The following CLASRP variants were observed in gnomAD, a reference collection of about 807,000 sequenced individuals.
CLASRP encodes CLK4-associating serine/arginine rich protein.
Under a neutral mutation model 99.9 loss-of-function variants are expected in CLASRP, and 52 were observed. The ratio of observed to expected loss-of-function variants is 0.52; its 90% confidence interval spans 0.42 to 0.66. CLASRP has a LOEUF of 0.66. Ranked by LOEUF, CLASRP falls within the 30% of genes least tolerant of loss-of-function variation. The pLI, the probability that CLASRP is intolerant of heterozygous loss-of-function variation, is 0.00. For synonymous variants in CLASRP, 379 were observed against 373.0 expected, an observed-to-expected ratio of 1.02 and a Z score of -0.18; for missense variants, 848 against 999.2, an observed-to-expected ratio of 0.85 and a Z score of 2.04.
rs377525602 is a variant in CLASRP at position 45,052,219 on chromosome 19, C to T, written c.197+51C>T. The stretch of plus-strand genomic sequence containing the variant: ...AGTGTCTGAAGTCTGGGAGTCAAAA[C>T]GGACCTGGGGTGGTGTAGAGTGTGG... On this transcript the variant is annotated intron_variant, in intron 3 of 20. Coordinates refer to ENST00000221455, the MANE Select transcript of CLASRP (RefSeq NM_007056.3). 9 of 1,500,014 alleles carry T rather than the reference C, an allele frequency of 6.0e-6. No homozygotes were observed. The African/African-American group carries it at 6.9e-5, about 11-fold the overall frequency. The allele number at this position is 1,500,014 out of a possible 1,614,324, so 92.9% of individuals were successfully genotyped here. A position where few individuals can be genotyped will look rare whatever the true frequency, so the allele number is the denominator to read the frequency against.
intron 13 of CLASRP, among the ~76,000 whole-genome samples, chr19:45,066,752 G>A (rs1011691137): frequency 1.3e-5 from 2 of 152,040 alleles, no homozygotes; most frequent in Admixed American, 6.6e-5. Context: ...GGGGACAGGT[G>A]GGACCTGGGC....
At position 45,062,141 on chromosome 19, in the gene CLASRP, C is replaced by T. The variant is rs991361547; in HGVS notation, c.864-13C>T. On this transcript the variant is annotated splice_polypyrimidine_tract_variant and intron_variant, in intron 10 of 20. Coordinates refer to ENST00000221455, the MANE Select transcript of CLASRP (RefSeq NM_007056.3). ...AAGCCCTAATTTGTCCCACCCCATTCTTTTCTCTGTAGCTATGCCCGCCGA... is the reference window on the plus strand; with the variant it reads ...AAGCCCTAATTTGTCCCACCCCATTTTTTTCTCTGTAGCTATGCCCGCCGA... The T allele has an allele frequency of 6.7e-7, 1 of 1,488,922 alleles. No homozygotes were observed. The highest frequency in any genetic ancestry group is 9.4e-7 in the Non-Finnish European group (1 of 1,066,532). 92.2% of individuals were successfully genotyped at this position (1,488,922 alleles called of 1,614,324 possible). A position where few individuals can be genotyped will look rare whatever the true frequency, so the allele number is the denominator to read the frequency against.
chr19:45,064,387 CCTCCAG>C lies in CLASRP; in HGVS notation c.1171_1176del (p.Ser391_Ser392del). On this transcript the variant is annotated inframe_deletion, in exon 13 of 21. Coordinates refer to ENST00000221455, the MANE Select transcript of CLASRP (RefSeq NM_007056.3). ...TCCTCCTCCTCTTCTGCCTCGAGGA[CCTCCAG>C]CTCCCGCTCCAGCTCTCGCTCCAGC... The C allele has an allele frequency of 6.5e-7, 1 of 1,531,118 alleles. No homozygotes were observed. The highest frequency in any genetic ancestry group is 2.5e-5 in the East Asian group (1 of 40,772). The allele number at this position is 1,531,118 out of a possible 1,614,324, so 94.8% of individuals were successfully genotyped here. A position where few individuals can be genotyped will look rare whatever the true frequency, so the allele number is the denominator to read the frequency against.
At position 45,040,294 on chromosome 19, in the gene CLASRP, G is replaced by T; in HGVS notation, c.82G>T (p.Glu28Ter). ...DYKKRAERRR[E>*]YYEKIKKDPA... ...CAAGAAGAGGGCGGAGCGGAGACGG[G>T]AGTATTATGAAAAGATCGTGAGTAA... is the stretch of plus-strand genomic sequence containing the variant. Residue 28 changes from glutamate to a stop codon, truncating the protein, a stop_gained, in exon 2 of 21, where the codon GAG (glutamate) becomes TAG (stop). Transcript: ENST00000221455. LOFTEE classifies it high-confidence loss of function. The T allele has an allele frequency of 6.2e-7, 1 of 1,610,520 alleles. No homozygotes were observed. The highest frequency in any genetic ancestry group is 8.5e-7 in the Non-Finnish European group (1 of 1,178,854).
intron 11 of CLASRP, 72 bp from the exon 12 acceptor site, chr19:45,063,940 T>A (rs1967001144): frequency 1.3e-6 from 2 of 1,502,470 alleles, no homozygotes; most frequent in Admixed American, 2.2e-5. Context: ...CTGCTGTTGA[T>A]CTGCTGTGTG....
chr19:45,065,605 G>A (rs140906564), intron 13 of CLASRP, among the ~76,000 whole-genome samples: 1 of 152,100 alleles, frequency 6.6e-6, no homozygotes, highest in East Asian at 1.9e-4. Context: ...AGACGACATG[G>A]TGAGAGGCTA....
Position 45,060,366 on chromosome 19 carries a change from C to G in CLASRP, c.711-23C>G, listed in dbSNP as rs772078613. 22 of 1,611,340 alleles carry G rather than the reference C, an allele frequency of 1.4e-5. No individual in the cohort carries two copies. The highest frequency in any genetic ancestry group is 1.5e-5 in the Non-Finnish European group (18 of 1,177,576). On this transcript the variant is annotated intron_variant, in intron 8 of 20. Coordinates refer to ENST00000221455, the MANE Select transcript of CLASRP (RefSeq NM_007056.3). This position sits in a 1 kb window ranked among gnomAD's most constrained non-coding sequence, Gnocchi z 4.6. ...CCTGTGGCCTGCCCCATCCTCCACC[C>G]TAATTCTCACCCACCTCTATAGGAT...
In CLASRP at chr19:45,067,457, C is replaced by A; in HGVS notation, c.1530C>A (p.Arg510=). 2 of 1,548,912 alleles carry A rather than the reference C, an allele frequency of 1.3e-6. No individual in the cohort carries two copies. Among genetic ancestry groups the A allele is most frequent in the Middle Eastern group, 1.7e-4 (1 of 5,910 alleles). Residue 510 remains arginine (R), a synonymous_variant, in exon 14 of 21, where the codon CGC becomes CGA. Transcript: ENST00000221455. This position sits in a 1 kb window ranked among gnomAD's most constrained non-coding sequence, Gnocchi z 4.9. ...CGTCCCGCAGTCGCAGCCTGACTCG[C>A]AGCCGCAGCCATAGCCCCAGCCCCA... The part of the protein sequence containing the change: ...LSPSRSRSLT[R]SRSHSPSPSQ...
chr19:45,052,285 G>A, intron 3 of CLASRP, 117 bp downstream of exon 3: 1 of 806,078 alleles, frequency 1.2e-6, no homozygotes, highest in South Asian at 1.5e-5. Context: ...GGGACTCAGA[G>A]GCAGGGAAGG....
intron 5 of CLASRP, among the ~76,000 whole-genome samples, chr19:45,055,537 T>G (rs1364570740): frequency 6.6e-6 from 1 of 152,166 alleles, no homozygotes; most frequent in African/African-American, 2.4e-5. Context: ...TTGTTCCAGA[T>G]AGAAAAGCTG....
At chr19:45,070,733 G>T in intron 20 of CLASRP, 70 bp from the exon 21 acceptor site, 2 of 1,393,176 alleles carry the variant, frequency 1.4e-6, no homozygotes, top group South Asian at 2.3e-5. Flanking sequence ...GATCACTGAA[G>T]CATCCACGGC....
chr19:45,067,233 C>T lies in CLASRP; in HGVS notation c.1410-104C>T, dbSNP rs889764916. 8 of 1,311,624 alleles carry T rather than the reference C, an allele frequency of 6.1e-6. No homozygotes were observed. In the Admixed American group the frequency reaches 1.2e-4, roughly 19 times the overall value. 81.2% of individuals were successfully genotyped at this position (1,311,624 alleles called of 1,614,324 possible). A position where few individuals can be genotyped will look rare whatever the true frequency, so the allele number is the denominator to read the frequency against. On this transcript the variant is annotated intron_variant, in intron 13 of 20. Coordinates refer to ENST00000221455, the MANE Select transcript of CLASRP (RefSeq NM_007056.3). The surrounding 1 kb of genome is among the most constrained non-coding windows in gnomAD (Gnocchi z 4.9). The stretch of plus-strand genomic sequence containing the variant: ...AGGAGAGGAGAGTCGAGCCTGTCAC[C>T]CTGGGCCTTGCAGGAAGGAGGACTG...
At position 45,067,535 on chromosome 19, in the gene CLASRP, C is replaced by A. The variant is rs75895703; in HGVS notation, c.1608C>A (p.Pro536=). ...RSRSQSPSPS[P]AREKLTRPAA... ...GCAGCCAGAGCCCCTCGCCATCACC[C>A]GCAAGAGAGAAGCTGACCAGGCCGG... Residue 536 remains proline (P), a synonymous_variant, in exon 14 of 21, where the codon CCC becomes CCA. Coordinates refer to ENST00000221455, the MANE Select transcript of CLASRP (RefSeq NM_007056.3). This position sits in a 1 kb window ranked among gnomAD's most constrained non-coding sequence, Gnocchi z 4.9. 2 of 1,604,274 alleles carry A rather than the reference C, an allele frequency of 1.2e-6. No individual in the cohort carries two copies. The highest frequency in any genetic ancestry group is 1.7e-5 in the Admixed American group (1 of 59,792).
chr19:45,057,002 C>T (rs929882710), intron 6 of CLASRP, among the ~76,000 whole-genome samples: 14 of 152,262 alleles, frequency 9.2e-5, no homozygotes, highest in African/African-American at 2.6e-4. Context: ...TTCTTAAAGC[C>T]GCGTCCCTCA....
chr19:45,070,304 T>TACACACACACACACACACAC (rs147314692), intron 19 of CLASRP, among the ~76,000 whole-genome samples, 200 bp downstream of exon 19: 10 of 150,718 alleles, frequency 6.6e-5, no homozygotes, highest in African/African-American at 2.4e-4. Context: ...CACACATACG[T>TACACACACACACACACACAC]ACACACACAC....
Position 45,069,190 on chromosome 19 carries a change from T to G in CLASRP, c.1828-12T>G. On this transcript the variant is annotated splice_polypyrimidine_tract_variant and intron_variant, in intron 17 of 20. Coordinates refer to ENST00000221455, the MANE Select transcript of CLASRP (RefSeq NM_007056.3). ...TGGCCTGGCCACGTCCTCATAGCCC[T>G]GTCTGCTGCAGGAGCGGGAAGACGA... The G allele has an allele frequency of 6.2e-7, 1 of 1,613,992 alleles. No homozygotes were observed. Among genetic ancestry groups the G allele is most frequent in the Non-Finnish European group, 8.5e-7 (1 of 1,179,940 alleles).
chr19:45,039,230 C>T (rs1869189479), intron 1 of CLASRP, 122 bp downstream of exon 1: 1 of 152,482 alleles, frequency 6.6e-6, no homozygotes, highest in Non-Finnish European at 1.5e-5. Flanking sequence ...CCGAGGATCG[C>T]TCGTCCCTCA....
At position 45,052,136 on chromosome 19, in the gene CLASRP, A is replaced by G. The variant is rs1250333565; in HGVS notation, c.165A>G (p.Ala55=). Reference sequence around the variant, plus strand: ...CTTGCAAGGTGCACCTGGATTCTGCAGTCGCCCTGGCCGCTGAGAGCCCTG... The same window carrying G: ...CTTGCAAGGTGCACCTGGATTCTGCGGTCGCCCTGGCCGCTGAGAGCCCTG... ...GRACKVHLDS[A]VALAAESPVN... is the part of the protein sequence containing the mutation. Residue 55 remains alanine (A), a synonymous_variant, in exon 3 of 21, where the codon GCA becomes GCG. Transcript: ENST00000221455. 5.6e-6 allele frequency: 9 copies of G among 1,614,066 alleles called. No individual in the cohort carries two copies. Among genetic ancestry groups the G allele is most frequent in the Non-Finnish European group, 7.6e-6 (9 of 1,180,010 alleles).
Position 45,063,995 on chromosome 19 carries a change from C to T in CLASRP, c.906-17C>T. 3.1e-6 allele frequency: 5 copies of T among 1,595,150 alleles called. No homozygotes were observed. Among genetic ancestry groups the T allele is most frequent in the Non-Finnish European group, 4.3e-6 (5 of 1,170,760 alleles). On this transcript the variant is annotated splice_polypyrimidine_tract_variant and intron_variant, in intron 11 of 20. Coordinates refer to ENST00000221455, the MANE Select transcript of CLASRP (RefSeq NM_007056.3). ...CCGGGAGCCTGAGCTAGTGAGCCTC[C>T]TCCTCCCTACCCGCAGGTCACCCTC...
Sources: allele counts gnomAD v4.1 joint callset (sites outside exome capture counted in the v4.1 genomes callset), GRCh38; gene constraint gnomAD v4.1.1; non-coding constraint Gnocchi (gnomAD v3.1); transcripts MANE v1.5; gene names NCBI Gene and HGNC (gene_info 2026-07-23, HGNC 2026-07-21).